Variants in TNR observed in about 807,000 individuals in gnomAD.
The protein encoded by TNR is tenascin-R.
Under a neutral mutation model 150.4 loss-of-function variants are expected in TNR, and 45 were observed. The ratio of observed to expected loss-of-function variants is 0.30; its 90% CI spans 0.24 to 0.38. The LOEUF (loss-of-function observed/expected upper bound fraction) is 0.38, where lower values mean the gene tolerates loss of function less well. Ranked by LOEUF, TNR falls within the 10% of genes least tolerant of loss-of-function variation. The pLI, the probability that TNR is intolerant of heterozygous loss-of-function variation, is 1.00. For missense variants in TNR, 1,544 were observed against 1,759.1 expected (o/e 0.88, Z 2.19); for synonymous variants, 687 against 678.4 (o/e 1.01, Z -0.20).
intron 1 of TNR, among the ~76,000 whole-genome samples, chr1:175,604,395 T>A (rs1663348391): frequency 1.3e-5 from 2 of 152,188 alleles, no homozygotes; most frequent in South Asian, 4.1e-4. Flanking sequence ...TCAAAAGGCA[T>A]GAAGTTCCAA....
At chr1:175,477,471 G>C (rs1443771628) in intron 2 of TNR, among the ~76,000 whole-genome samples, 1 of 152,086 alleles carries the variant, frequency 6.6e-6, no homozygotes, top group Non-Finnish European at 1.5e-5. Context: ...GCTTATCTTA[G>C]CCATTAACCA....
chr1:175,548,014 T>C lies in TNR; in HGVS notation c.-164-19645A>G, dbSNP rs756437016. Among the ~76,000 whole-genome samples, 38 of 152,178 alleles carry C rather than the reference T, an allele frequency of 2.5e-4. 1 individual carries two copies. Among genetic ancestry groups the C allele is most frequent in the Admixed American group, 2.0e-4 (3 of 15,288 alleles). On this transcript the variant is annotated intron_variant, in intron 1 of 22. Coordinates refer to ENST00000367674, the MANE Select transcript of TNR (RefSeq NM_003285.3). ...GGTAGCTGCGTGAAAGGTGGATTCA[T>C]GTGGGCAAAGACCAAAGGCAAAGAG... is the stretch of plus-strand genomic sequence containing the variant.
At chr1:175,649,674 CCACTGCCTTCCTCA>C (rs1440668207) in intron 1 of TNR, among the ~76,000 whole-genome samples, 3 of 152,166 alleles carry the variant, frequency 2.0e-5, no homozygotes, top group Non-Finnish European at 4.4e-5. Context: ...CCATGGGAGA[CCACTGCCTTCCTCA>C]CACTCCCCTG....
intron 2 of TNR, among the ~76,000 whole-genome samples, chr1:175,483,371 A>T (rs975146671): frequency 6.6e-6 from 1 of 152,208 alleles, no homozygotes; most frequent in African/African-American, 2.4e-5. Flanking sequence ...GGGTGAGTTC[A>T]AAGTGTATAT....
chr1:175,568,635 C>T lies in TNR; in HGVS notation c.-164-40266G>A, dbSNP rs1273402499. Among the ~76,000 whole-genome samples, 5 of 152,164 alleles carry T rather than the reference C, an allele frequency of 3.3e-5. 1 individual carries two copies. Among genetic ancestry groups the T allele is most frequent in the South Asian group, 4.2e-4 (2 of 4,816 alleles). ...TTATCTCGTGTATCCAGTCCTCGGCCTCCCATCCAATCCTGGATCAATTGC... is the reference window on the plus strand; with the variant it reads ...TTATCTCGTGTATCCAGTCCTCGGCTTCCCATCCAATCCTGGATCAATTGC... On this transcript the variant is annotated intron_variant, in intron 1 of 22. Coordinates refer to ENST00000367674, the MANE Select transcript of TNR (RefSeq NM_003285.3).
At chr1:175,343,432 C>T (rs1329166962) in intron 18 of TNR, among the ~76,000 whole-genome samples, 1 of 152,104 alleles carries the variant, frequency 6.6e-6, no homozygotes, top group Non-Finnish European at 1.5e-5. Context: ...TTCTGACGAC[C>T]CTAGTTGAGA....
rs1352594983 is a variant in TNR at position 175,599,978 on chromosome 1, G to A, written c.-164-71609C>T. 6.6e-6 allele frequency among the ~76,000 whole-genome samples: 1 copy of A among 152,180 alleles called. No individual in the cohort carries two copies. The highest frequency in any genetic ancestry group is 1.5e-5 in the Non-Finnish European group (1 of 68,042). Reference sequence around the variant, plus strand: ...ATATGATAGAGTAAAATCCCTTGCAGGACTTCCATTCGACTGCACGCCTAC... The same window carrying A: ...ATATGATAGAGTAAAATCCCTTGCAAGACTTCCATTCGACTGCACGCCTAC... On this transcript the variant is annotated intron_variant, in intron 1 of 22. Transcript: ENST00000367674. This position sits in a 1 kb window ranked among gnomAD's most constrained non-coding sequence, Gnocchi z 4.7.
intron 1 of TNR, among the ~76,000 whole-genome samples, chr1:175,546,397 G>A (rs762559525): frequency 6.6e-6 from 1 of 152,098 alleles, no homozygotes; most frequent in Non-Finnish European, 1.5e-5. Flanking sequence ...CTGGTGTAGC[G>A]GCCATCAAGC....
chr1:175,555,682 C>T (rs146091054), intron 1 of TNR, among the ~76,000 whole-genome samples: 3,867 of 152,268 alleles, frequency 0.025, 81 homozygotes, highest in Middle Eastern at 0.041. Context: ...AGCTCTTGTA[C>T]CCATTTTCTG....
At chr1:175,640,216 G>A (rs1253450263) in intron 1 of TNR, among the ~76,000 whole-genome samples, 1 of 152,192 alleles carries the variant, frequency 6.6e-6, no homozygotes. Context: ...TTCAGATAAA[G>A]TTCTGGGACC....
At chr1:175,665,642 G>T (rs1187483017) in intron 1 of TNR, among the ~76,000 whole-genome samples, 1 of 152,230 alleles carries the variant, frequency 6.6e-6, no homozygotes, top group East Asian at 1.9e-4. Flanking sequence ...AAAAGGAAAT[G>T]AATAGTTGTC....
intron 1 of TNR, among the ~76,000 whole-genome samples, chr1:175,595,346 G>T (rs1662967484): frequency 6.6e-6 from 1 of 152,140 alleles, no homozygotes; most frequent in African/African-American, 2.4e-5. Context: ...CAAATAAGAT[G>T]CAAAAGCAAC....
Position 175,583,713 on chromosome 1 carries a change from T to A in TNR, c.-164-55344A>T, listed in dbSNP as rs73050417. ...AAATACCCCCTTCCCCTCATTCCTG[T>A]AGCATTCAGGGTGTCCTCTGACTGT... On this transcript the variant is annotated intron_variant, in intron 1 of 22. Coordinates refer to ENST00000367674, the MANE Select transcript of TNR (RefSeq NM_003285.3). 1.7e-3 allele frequency among the ~76,000 whole-genome samples: 266 copies of A among 152,184 alleles called. 4 individuals carry two copies. The East Asian group carries it at 0.043, about 25-fold the overall frequency.
At chr1:175,601,222 C>T (rs569187478) in intron 1 of TNR, among the ~76,000 whole-genome samples, 6 of 152,362 alleles carry the variant, frequency 3.9e-5, no homozygotes, top group Admixed American at 1.3e-4. Context: ...CCTGCACTTG[C>T]TCTGCAGCGG....
At chr1:175,327,530 T>C (rs1649469628) in intron 21 of TNR, among the ~76,000 whole-genome samples, 1 of 152,148 alleles carries the variant, frequency 6.6e-6, no homozygotes, top group Non-Finnish European at 1.5e-5. Context: ...GGACCTACAA[T>C]GGCCCTCCAG....
intron 1 of TNR, among the ~76,000 whole-genome samples, chr1:175,642,008 A>G (rs189509741): frequency 3.9e-5 from 6 of 152,336 alleles, no homozygotes; most frequent in East Asian, 1.9e-4. Context: ...GCTATCAAGT[A>G]GGTCATAATC....
intron 14 of TNR, among the ~76,000 whole-genome samples, chr1:175,360,882 T>A (rs1163679556): frequency 6.6e-6 from 1 of 152,130 alleles, no homozygotes; most frequent in Non-Finnish European, 1.5e-5. Context: ...ATCATAGACC[T>A]CAACGTAAAA....
At chr1:175,427,019 C>A (rs1655020274) in intron 2 of TNR, among the ~76,000 whole-genome samples, 1 of 143,086 alleles carries the variant, frequency 7.0e-6, no homozygotes, top group Admixed American at 7.2e-5. Context: ...GAATATTTAC[C>A]TTTACTAAAT....
chr1:175,406,109 G>T, intron 3 of TNR, 107 bp downstream of exon 3: 2 of 1,438,410 alleles, frequency 1.4e-6, no homozygotes, highest in Non-Finnish European at 9.3e-7. Context: ...GTTTTGCTGG[G>T]AGTGCGTTTT....
Sources: allele counts gnomAD v4.1 joint callset (sites outside exome capture counted in the v4.1 genomes callset), GRCh38; gene constraint gnomAD v4.1.1; non-coding constraint Gnocchi (gnomAD v3.1); transcripts MANE v1.5; gene names NCBI Gene and HGNC (gene_info 2026-07-23, HGNC 2026-07-21).